Variants in SYT1 observed in about 807,000 individuals in gnomAD.
SYT1 encodes the protein synaptotagmin 1.
In SYT1, 8 loss-of-function variants were observed where a neutral mutation model predicts 44.8. The ratio of observed to expected loss-of-function variants is 0.18; its 90% confidence interval spans 0.10 to 0.32. The LOEUF is 0.32. Among genes scored for constraint, SYT1 ranks in the 10% least tolerant of loss-of-function variants. SYT1 has a pLI of 1.00. For synonymous variants in SYT1, 154 were observed against 188.8 expected (o/e 0.82, Z 1.51); for missense variants, 286 against 509.3 (o/e 0.56, Z 4.22).
chr12:78,906,961 C>G (rs1202265382), intron 1 of SYT1, among the ~76,000 whole-genome samples: 3 of 151,980 alleles, frequency 2.0e-5, no homozygotes, highest in Non-Finnish European at 2.9e-5. Flanking sequence ...TTAATAATAC[C>G]TACTGCTATA....
At chr12:79,083,774 G>A (rs1877196736) in intron 3 of SYT1, among the ~76,000 whole-genome samples, 1 of 152,066 alleles carries the variant, frequency 6.6e-6, no homozygotes. Context: ...GAGAAGGAAG[G>A]GAGGGCAAAA....
At chr12:78,945,902 C>T (rs1878632753) in intron 1 of SYT1, among the ~76,000 whole-genome samples, 1 of 152,054 alleles carries the variant, frequency 6.6e-6, no homozygotes, top group Non-Finnish European at 1.5e-5. Context: ...ATTCTTTAGC[C>T]TTGTAGAAGA....
chr12:79,410,907 A>C (rs1397806729), intron 9 of SYT1, among the ~76,000 whole-genome samples: 2 of 151,852 alleles, frequency 1.3e-5, no homozygotes. Flanking sequence ...TGTGGTTTTC[A>C]TAATGCTCCA....
chr12:79,075,747 G>A (rs1411239653), intron 3 of SYT1, among the ~76,000 whole-genome samples: 1 of 152,000 alleles, frequency 6.6e-6, no homozygotes, highest in East Asian at 1.9e-4. Flanking sequence ...CAAGCCTATA[G>A]AATCGGATAC....
chr12:78,973,941 AT>A (rs57839745), intron 1 of SYT1, among the ~76,000 whole-genome samples: 16 of 10,730 alleles, frequency 1.5e-3, no homozygotes, highest in African/African-American at 3.1e-3. Flanking sequence ...AAAAAAAAAT[AT>A]ATATATATAT....
intron 1 of SYT1, among the ~76,000 whole-genome samples, chr12:78,874,592 C>T (rs1202994079): frequency 2.0e-5 from 3 of 151,536 alleles, no homozygotes; most frequent in Admixed American, 6.6e-5. Flanking sequence ...TCCTCTTTCT[C>T]TTTTTTTATT....
chr12:79,376,779 T>C (rs1471632848), intron 9 of SYT1, among the ~76,000 whole-genome samples: 1 of 152,192 alleles, frequency 6.6e-6, no homozygotes, highest in East Asian at 1.9e-4. Context: ...TTAACTTAAA[T>C]TCACAGGTAG....
intron 4 of SYT1, among the ~76,000 whole-genome samples, chr12:79,243,016 C>T (rs1419915128): frequency 6.6e-6 from 1 of 152,150 alleles, no homozygotes; most frequent in Non-Finnish European, 1.5e-5. Context: ...AGAAGAGGCA[C>T]ATCTTACATG....
intron 9 of SYT1, among the ~76,000 whole-genome samples, chr12:79,402,216 A>G (rs549745589): frequency 6.6e-6 from 1 of 152,258 alleles, no homozygotes; most frequent in African/African-American, 2.4e-5. Context: ...ATAATGCTAC[A>G]CGCAAACCTC....
chr12:79,144,610 A>C, intron 3 of SYT1, among the ~76,000 whole-genome samples: 1 of 152,350 alleles, frequency 6.6e-6, no homozygotes, highest in Non-Finnish European at 1.5e-5. Context: ...AAGACCCATC[A>C]TCTGGGTCAG....
At chr12:78,906,972 AC>A (rs1480926958) in intron 1 of SYT1, among the ~76,000 whole-genome samples, 4 of 152,110 alleles carry the variant, frequency 2.6e-5, no homozygotes, top group Non-Finnish European at 4.4e-5. Context: ...TACTGCTATA[AC>A]TTTTGATGTA....
At chr12:79,323,657 G>A (rs1881471284) in intron 8 of SYT1, among the ~76,000 whole-genome samples, 1 of 151,982 alleles carries the variant, frequency 6.6e-6, no homozygotes, top group African/African-American at 2.4e-5. Flanking sequence ...CCAACATGCT[G>A]TAACATAATT....
chr12:79,327,245 T>C (rs1881647803), intron 8 of SYT1, among the ~76,000 whole-genome samples: 1 of 152,150 alleles, frequency 6.6e-6, no homozygotes, highest in African/African-American at 2.4e-5. Context: ...CTATAGAAGT[T>C]TCTCTATTTT....
chr12:79,080,164 A>C (rs1876933705), intron 3 of SYT1, among the ~76,000 whole-genome samples: 1 of 152,138 alleles, frequency 6.6e-6, no homozygotes, highest in Admixed American at 6.6e-5. Context: ...ATATTAACTT[A>C]TTGGTCCTAT....
intron 1 of SYT1, among the ~76,000 whole-genome samples, chr12:78,866,815 A>C (rs1342498697): frequency 6.6e-6 from 1 of 152,182 alleles, no homozygotes; most frequent in Non-Finnish European, 1.5e-5. Flanking sequence ...AGAAAAGAGA[A>C]TCTTCTATCT....
rs1420300250 is a variant in SYT1, at chr12:78,952,993, A to AT, written c.-216-24800dup. 8.5e-5 allele frequency among the ~76,000 whole-genome samples: 13 copies of AT among 152,246 alleles called. No individual in the cohort carries two copies. In the South Asian group the frequency reaches 2.7e-3, roughly 32 times the overall value. ...AAGAGGGCAAAATTTTTTGTGTCTC[A>AT]TTTTTTAGCACTCAATAATTGCAAT... On this transcript the variant is annotated intron_variant, in intron 1 of 10. Transcript: ENST00000261205.
At chr12:79,122,907 T>G (rs1868302386) in intron 3 of SYT1, among the ~76,000 whole-genome samples, 1 of 152,154 alleles carries the variant, frequency 6.6e-6, no homozygotes, top group African/African-American at 2.4e-5. Flanking sequence ...TGATGACACC[T>G]TCTAAGTAAA....
chr12:79,181,931 C>T (rs1872573425), intron 3 of SYT1, among the ~76,000 whole-genome samples: 3 of 152,026 alleles, frequency 2.0e-5, no homozygotes, highest in Non-Finnish European at 4.4e-5. Context: ...ATCCTCCATG[C>T]TCTTCCTCTG....
chr12:78,898,484 C>T (rs1875484058), intron 1 of SYT1, among the ~76,000 whole-genome samples: 1 of 152,190 alleles, frequency 6.6e-6, no homozygotes, highest in East Asian at 1.9e-4. Flanking sequence ...TTCCTTAGCC[C>T]TCTGATCTTC....
Sources: allele counts gnomAD v4.1 joint callset (sites outside exome capture counted in the v4.1 genomes callset), GRCh38; gene constraint gnomAD v4.1.1; transcripts MANE v1.5; gene names NCBI Gene and HGNC (gene_info 2026-07-23, HGNC 2026-07-21).